MTF1: variants seen among roughly 807,000 people sequenced by gnomAD.
MTF1 encodes metal regulatory transcription factor 1, also known as MRE-binding transcription factor.
Under a neutral mutation model 70.4 loss-of-function variants are expected in MTF1, and 22 were observed. That is an observed-to-expected ratio of 0.31 (90% CI 0.22 to 0.45). The LOEUF (loss-of-function observed/expected upper bound fraction) is 0.45. MTF1 is among the 20% of genes least tolerant of loss of function. The pLI is 1.00. For missense variants in MTF1, 649 were observed against 922.0 expected (o/e 0.70, Z 3.83); for synonymous variants, 333 against 352.8 (o/e 0.94, Z 0.63).
At position 37,840,220 on chromosome 1, in the gene MTF1, AC is replaced by A; in HGVS notation, c.409-63del. ...ATGCTGCCCAGGGCTTAACTCCCCCACCCAGAGCTCAGCTCCCAAGAGATGC... is the reference window on the plus strand; with the variant it reads ...ATGCTGCCCAGGGCTTAACTCCCCCACCAGAGCTCAGCTCCCAAGAGATGC... On this transcript the variant is annotated intron_variant, in intron 2 of 10. Coordinates refer to ENST00000373036, the MANE Select transcript of MTF1 (RefSeq NM_005955.3). This position sits in a 1 kb window ranked among gnomAD's most constrained non-coding sequence, Gnocchi z 4.5. The A allele has an allele frequency of 6.9e-7, 1 of 1,457,164 alleles. No homozygotes were observed. The highest frequency in any genetic ancestry group is 9.6e-7 in the Non-Finnish European group (1 of 1,042,292). The allele number at this position is 1,457,164 out of a possible 1,614,324, so 90.3% of individuals were successfully genotyped here.
At chr1:37,856,221 A>G (rs1569892514) in intron 2 of MTF1, among the ~76,000 whole-genome samples, 1 of 112,474 alleles carries the variant, frequency 8.9e-6, no homozygotes, top group Non-Finnish European at 1.6e-5. Flanking sequence ...TCTCTCATCC[A>G]GCCTGGAGTG....
chr1:37,847,682 G>A (rs112293022), intron 2 of MTF1, among the ~76,000 whole-genome samples: 1 of 152,306 alleles, frequency 6.6e-6, no homozygotes, highest in East Asian at 1.9e-4. Context: ...CTACAGACAG[G>A]TTCTCATTTT....
Position 37,835,748 on chromosome 1 carries a change from A to T in MTF1, c.780-4T>A. The T allele has an allele frequency of 6.2e-7, 1 of 1,613,716 alleles. No individual in the cohort carries two copies. Among genetic ancestry groups the T allele is most frequent in the Non-Finnish European group, 8.5e-7 (1 of 1,179,684 alleles). On this transcript the variant is annotated splice_polypyrimidine_tract_variant and splice_region_variant and intron_variant, in intron 4 of 10. Transcript: ENST00000373036. ...TCCACAGCCATCGTGATCGCACCTA[A>T]ATTTGTTAAGGAAAGAGAAACAGGA... is the stretch of plus-strand genomic sequence containing the variant.
At chr1:37,858,396 A>T (rs1641534422) in intron 1 of MTF1, 1 of 152,192 alleles carries the variant, frequency 6.6e-6, no homozygotes, top group African/African-American at 2.4e-5. Context: ...CTGTTCTCTC[A>T]AAGTTTTTAT....
At chr1:37,827,865 A>C (rs566510665) in intron 7 of MTF1, among the ~76,000 whole-genome samples, 6 of 152,212 alleles carry the variant, frequency 3.9e-5, no homozygotes, top group Non-Finnish European at 5.9e-5. Context: ...CTAATACCTC[A>C]ATAATACTAG....
chr1:37,824,689 C>G (rs1640974257), intron 7 of MTF1, among the ~76,000 whole-genome samples: 1 of 152,212 alleles, frequency 6.6e-6, no homozygotes, highest in Middle Eastern at 3.4e-3. Context: ...CAGAGCAAGA[C>G]TCCGTAAACA....
chr1:37,813,724 C>T lies in MTF1; in HGVS notation c.*1412G>A, dbSNP rs1188501389. ...GGCCTCTGAGCTCGGTGAGTTTGGT[C>T]AGCACTCATGACTATGTTAATATAG... On this transcript the variant is annotated 3_prime_UTR_variant, in exon 11 of 11. Coordinates refer to ENST00000373036, the MANE Select transcript of MTF1 (RefSeq NM_005955.3). 3 of 152,298 alleles carry T rather than the reference C, an allele frequency of 2.0e-5. No homozygotes were observed. The highest frequency in any genetic ancestry group is 4.4e-5 in the Non-Finnish European group (3 of 68,066). 9.4% of individuals were successfully genotyped at this position (152,298 alleles called of 1,614,324 possible).
rs564333862 is a variant in MTF1 at position 37,813,996 on chromosome 1, T to G, written c.*1140A>C. 8.7e-6 allele frequency: 1 copy of G among 115,392 alleles called. No homozygotes were observed. The highest frequency in any genetic ancestry group is 2.6e-4 in the South Asian group (1 of 3,784). 7.1% of individuals were successfully genotyped at this position (115,392 alleles called of 1,614,324 possible). On this transcript the variant is annotated 3_prime_UTR_variant, in exon 11 of 11. Transcript: ENST00000373036. The stretch of plus-strand genomic sequence containing the variant: ...TAGAAGATCATCGTTTTGTGTTTCT[T>G]TTTTTTTTTTTTTTAAATAAATCAC...
At position 37,815,118 on chromosome 1, in the gene MTF1, T is replaced by C; in HGVS notation, c.*18A>G. The C allele has an allele frequency of 6.2e-7, 1 of 1,611,072 alleles. No homozygotes were observed. Among genetic ancestry groups the C allele is most frequent in the Non-Finnish European group, 8.5e-7 (1 of 1,177,922 alleles). ...CCTGCTCACCCGCTTTTCCCAGAGG[T>C]GAGCACACATGGGCCCTTCACTTGG... is the stretch of plus-strand genomic sequence containing the variant. On this transcript the variant is annotated 3_prime_UTR_variant, in exon 11 of 11. Transcript: ENST00000373036. The surrounding 1 kb of genome is among the most constrained non-coding windows in gnomAD (Gnocchi z 4.5).
At chr1:37,847,124 G>A (rs1284385002) in intron 2 of MTF1, among the ~76,000 whole-genome samples, 2 of 152,134 alleles carry the variant, frequency 1.3e-5, no homozygotes, top group Non-Finnish European at 2.9e-5. Context: ...CCCACCATGA[G>A]AGCTGACTTC....
intron 6 of MTF1, among the ~76,000 whole-genome samples, chr1:37,834,841 GAGGAAGACTGC>G (rs1401994652): frequency 1.3e-5 from 2 of 152,206 alleles, no homozygotes; most frequent in Admixed American, 1.3e-4. Flanking sequence ...TTACCAAGAC[GAGGAAGACTGC>G]AGGAAGAACA....
intron 2 of MTF1, among the ~76,000 whole-genome samples, chr1:37,841,947 A>G (rs1641260236): frequency 6.6e-6 from 1 of 152,032 alleles, no homozygotes; most frequent in Admixed American, 6.6e-5. Context: ...CTGAGGTAAG[A>G]TTGCTTGAGC....
intron 7 of MTF1, 59 bp from the exon 8 acceptor site, chr1:37,823,871 G>C: frequency 8.1e-7 from 1 of 1,241,232 alleles, no homozygotes; most frequent in Non-Finnish European, 1.2e-6. Context: ...TTCACCATGA[G>C]AAAACACATT....
At chr1:37,830,957 A>G (rs896096303) in intron 7 of MTF1, among the ~76,000 whole-genome samples, 1 of 151,966 alleles carries the variant, frequency 6.6e-6, no homozygotes, top group Non-Finnish European at 1.5e-5. Flanking sequence ...GCCACCCTGA[A>G]CTCTGTCCTC....
rs188009622 is a variant in MTF1, at chr1:37,844,007, T to C, written c.409-3849A>G. On this transcript the variant is annotated intron_variant, in intron 2 of 10. Coordinates refer to ENST00000373036, the MANE Select transcript of MTF1 (RefSeq NM_005955.3). ...TAAATATTTGTTAAACTGAATTCCT[T>C]ATTGAATCACTAATCCAGGCATTCT... Among the ~76,000 whole-genome samples the C allele has an allele frequency of 9.8e-5, 15 of 152,338 alleles. No individual in the cohort carries two copies. In the East Asian group the frequency reaches 2.9e-3, roughly 29 times the overall value.
chr1:37,827,342 A>G (rs911032208), intron 7 of MTF1, among the ~76,000 whole-genome samples: 18 of 119,948 alleles, frequency 1.5e-4, no homozygotes, highest in Non-Finnish European at 2.4e-4. Flanking sequence ...AGTTGTTATT[A>G]TTATTATTAT....
rs772564268 is a variant in MTF1 at position 37,857,420 on chromosome 1, C to T, written c.239G>A (p.Gly80Asp). The T allele has an allele frequency of 1.2e-6, 2 of 1,614,118 alleles. No individual in the cohort carries two copies. Among genetic ancestry groups the T allele is most frequent in the South Asian group, 1.1e-5 (1 of 91,080 alleles). The part of the protein sequence containing the change: ...HLPFLVGGEE[G>D]FHLIDHEAMS... ...TGCTTCATGATCTATCAGGTGAAAG[C>T]CCTCTTCACCCCCTACTAGAAAAGG... is the stretch of plus-strand genomic sequence containing the variant. Residue 80 changes from glycine to aspartate, a missense_variant, in exon 2 of 11, where the codon GGC (glycine) becomes GAC (aspartate). By Grantham distance (94) the Gly-to-Asp change is moderately conservative. Coordinates refer to ENST00000373036, the MANE Select transcript of MTF1 (RefSeq NM_005955.3).
chr1:37,828,291 G>A (rs1347594578), intron 7 of MTF1: 4 of 394,436 alleles, frequency 1.0e-5, no homozygotes, highest in Non-Finnish European at 1.5e-5. Context: ...GGGGTGCTGG[G>A]AATGTTATTT....
At position 37,858,824 on chromosome 1, in the gene MTF1, A is replaced by G. The variant is rs564011407; in HGVS notation, c.-52+707T>C. On this transcript the variant is annotated intron_variant, in intron 1 of 10. Transcript: ENST00000373036. ...ATTTGAAGCTTTCATGTTCTGGAAT[A>G]GTGATTCTTCCTTCATCTGCAAACA... 3.9e-5 allele frequency among the ~76,000 whole-genome samples: 6 copies of G among 152,356 alleles called. No homozygotes were observed. The East Asian group carries it at 1.2e-3, about 29-fold the overall frequency.
Sources: gnomAD v4.1 joint callset for allele counts (sites outside exome capture counted in the v4.1 genomes callset) on GRCh38, gnomAD v4.1.1 for gene constraint, Gnocchi (gnomAD v3.1) non-coding constraint, MANE v1.5 for transcripts, NCBI Gene and HGNC (gene_info 2026-07-23, HGNC 2026-07-21) for gene names.